The following LRRC69 variants were observed in gnomAD, a reference collection of about 807,000 sequenced individuals.
LRRC69 encodes leucine rich repeat containing 69.
Under a neutral mutation model 37.8 loss-of-function variants are expected in LRRC69, and 42 were observed. The observed-to-expected ratio is 1.11, with a 90% CI of 0.87 to 1.44. LRRC69 has a LOEUF of 1.44. LRRC69 is among the 40% of genes most tolerant of loss of function. The pLI is 0.00. For synonymous variants in LRRC69, 141 were observed against 143.1 expected (o/e 0.99, Z 0.11); for missense variants, 357 against 401.9 (o/e 0.89, Z 0.96).
At chr8:91,192,308 G>A (rs558082107) in intron 6 of LRRC69, among the ~76,000 whole-genome samples, 1 of 151,970 alleles carries the variant, frequency 6.6e-6, no homozygotes, top group Admixed American at 6.6e-5. Context: ...ATAAACATAC[G>A]TGTGCATGTG....
chr8:91,161,679 T>C (rs1365618757), intron 5 of LRRC69, among the ~76,000 whole-genome samples: 1 of 151,296 alleles, frequency 6.6e-6, no homozygotes, highest in Non-Finnish European at 1.5e-5. Flanking sequence ...ATCTTCTGTC[T>C]CTTTTTAGTC....
At chr8:91,140,653 T>A (rs1307258695) in intron 5 of LRRC69, among the ~76,000 whole-genome samples, 1 of 14,028 alleles carries the variant, frequency 7.1e-5, no homozygotes, top group Non-Finnish European at 1.7e-4. Context: ...TTTTTTTTTT[T>A]TTTTTTTTTT....
intron 1 of LRRC69, among the ~76,000 whole-genome samples, chr8:91,106,920 G>A (rs1202387821): frequency 6.6e-6 from 1 of 151,460 alleles, no homozygotes; most frequent in Non-Finnish European, 1.5e-5. Context: ...AGCTTCCCAA[G>A]TAGTTGGGGC....
chr8:91,150,728 G>A lies in LRRC69; in HGVS notation c.651+14989G>A, dbSNP rs989876535. 6.6e-5 allele frequency among the ~76,000 whole-genome samples: 10 copies of A among 151,398 alleles called. No individual in the cohort carries two copies. The East Asian group carries it at 1.2e-3, about 18-fold the overall frequency. On this transcript the variant is annotated intron_variant, in intron 5 of 7. Coordinates refer to ENST00000448384, the Ensembl canonical transcript of LRRC69. ...TCCATCTGGTCCTGGATTTTTTTTG[G>A]TTGGTAAGCTATTAATTATTGCCTC... is the stretch of plus-strand genomic sequence containing the variant.
chr8:91,195,952 C>T (rs1809591540), intron 6 of LRRC69, among the ~76,000 whole-genome samples: 1 of 152,218 alleles, frequency 6.6e-6, no homozygotes, highest in Non-Finnish European at 1.5e-5. Context: ...ATGGTCTTTA[C>T]ATTTTGGCAT....
chr8:91,214,232 G>T (rs1193125252), intron 7 of LRRC69, among the ~76,000 whole-genome samples: 1 of 152,074 alleles, frequency 6.6e-6, no homozygotes, highest in Admixed American at 6.6e-5. Flanking sequence ...ACCTCTGAGG[G>T]GTGTGAAGGA....
chr8:91,192,085 A>G (rs1273561567), intron 6 of LRRC69, among the ~76,000 whole-genome samples: 2 of 146,694 alleles, frequency 1.4e-5, no homozygotes, highest in Non-Finnish European at 3.0e-5. Flanking sequence ...TATGAGTGAG[A>G]ATATGCGGTG....
intron 6 of LRRC69, among the ~76,000 whole-genome samples, chr8:91,189,888 T>C (rs1809464351): frequency 6.6e-6 from 1 of 152,184 alleles, no homozygotes; most frequent in African/African-American, 2.4e-5. Context: ...TTATTTTCAC[T>C]TTAGCCTTTT....
chr8:91,126,474 T>A (rs939361843), intron 2 of LRRC69, among the ~76,000 whole-genome samples: 4 of 152,042 alleles, frequency 2.6e-5, no homozygotes, highest in African/African-American at 9.7e-5. Context: ...TTTAAAAATC[T>A]GTTTTAAAAA....
At chr8:91,104,801 G>T (rs981177424) in intron 1 of LRRC69, among the ~76,000 whole-genome samples, 1 of 152,024 alleles carries the variant, frequency 6.6e-6, no homozygotes, top group African/African-American at 2.4e-5. Flanking sequence ...TGGGTATGTG[G>T]TAGTTAAATT....
intron 7 of LRRC69, chr8:91,206,890 G>T: frequency 8.0e-7 from 1 of 1,244,070 alleles, no homozygotes; most frequent in Non-Finnish European, 1.0e-6. Context: ...GAGGATATGG[G>T]CAGGGAACTC....
chr8:91,181,409 G>A (rs1809322366), intron 5 of LRRC69, among the ~76,000 whole-genome samples: 1 of 152,124 alleles, frequency 6.6e-6, no homozygotes, highest in Non-Finnish European at 1.5e-5. Flanking sequence ...ACTTAGTGGG[G>A]AGAGAGAAAG....
chr8:91,159,307 G>T (rs1421208775), intron 5 of LRRC69, among the ~76,000 whole-genome samples: 2 of 151,252 alleles, frequency 1.3e-5, no homozygotes, highest in East Asian at 3.9e-4. Flanking sequence ...GAAAAGCAGA[G>T]TTGAGATACA....
At chr8:91,166,306 T>C (rs1353293486) in intron 5 of LRRC69, among the ~76,000 whole-genome samples, 1 of 151,600 alleles carries the variant, frequency 6.6e-6, no homozygotes, top group Non-Finnish European at 1.5e-5. Flanking sequence ...TCATACACAC[T>C]ATTACAGTAG....
chr8:91,112,620 A>G (rs1813427467), intron 1 of LRRC69, among the ~76,000 whole-genome samples: 1 of 152,034 alleles, frequency 6.6e-6, no homozygotes, highest in Non-Finnish European at 1.5e-5. Context: ...AGACTCCCAC[A>G]ACTAACATCA....
Position 91,169,386 on chromosome 8 carries a change from G to A in LRRC69, c.652-20136G>A, listed in dbSNP as rs1431508907. Among the ~76,000 whole-genome samples, 4 of 151,886 alleles carry A rather than the reference G, an allele frequency of 2.6e-5. No homozygotes were observed. In the East Asian group the frequency reaches 7.8e-4, roughly 29 times the overall value. On this transcript the variant is annotated intron_variant, in intron 5 of 7. Coordinates refer to ENST00000448384, the Ensembl canonical transcript of LRRC69. ...TTACCTATATAACAAACCTGCACAT[G>A]TACCCTTGAACCTAAAATAAAAGTT...
intron 6 of LRRC69, among the ~76,000 whole-genome samples, chr8:91,192,613 T>C (rs1426135214): frequency 1.3e-5 from 2 of 152,172 alleles, no homozygotes; most frequent in Non-Finnish European, 2.9e-5. Context: ...TGAGCATTTT[T>C]TCATGTGTTT....
chr8:91,208,333 G>A (rs1353687801), intron 7 of LRRC69, among the ~76,000 whole-genome samples: 1 of 150,896 alleles, frequency 6.6e-6, no homozygotes, highest in Admixed American at 6.6e-5. Flanking sequence ...TCGAAGCCCT[G>A]GGAATGAAGA....
Position 91,147,636 on chromosome 8 carries a change from T to G in LRRC69, c.651+11897T>G, listed in dbSNP as rs112940183. Among the ~76,000 whole-genome samples the G allele has an allele frequency of 5.1e-3, 775 of 151,918 alleles. 4 individuals carry two copies. Among genetic ancestry groups the G allele is most frequent in the African/African-American group, 0.017 (721 of 41,540 alleles). ...TTTCTGTTTTTTCTTTTGAAATAATTGGATACTTCTTAATGACACATTTTA... is the reference window on the plus strand; with the variant it reads ...TTTCTGTTTTTTCTTTTGAAATAATGGGATACTTCTTAATGACACATTTTA... On this transcript the variant is annotated intron_variant, in intron 5 of 7. Transcript: ENST00000448384.
Sources: allele counts gnomAD v4.1 joint callset (sites outside exome capture counted in the v4.1 genomes callset), GRCh38; gene constraint gnomAD v4.1.1; transcripts MANE v1.5; gene names NCBI Gene and HGNC (gene_info 2026-07-23, HGNC 2026-07-21).